The following AKAP6 variants were observed in gnomAD, a reference collection of about 807,000 sequenced individuals.
AKAP6 encodes A-kinase anchor protein 6.
AKAP6 carries 58 observed loss-of-function variants against 188.5 expected under a neutral mutation model. The ratio of observed to expected loss-of-function variants is 0.31; its 90% CI spans 0.25 to 0.38. AKAP6 has a LOEUF of 0.38. AKAP6 is among the 10% of genes least tolerant of loss of function. The pLI, the probability that AKAP6 is intolerant of heterozygous loss-of-function variation, is 1.00. For synonymous variants in AKAP6, 989 were observed against 998.6 expected, an observed-to-expected ratio of 0.99 and a Z score of 0.18; for missense variants, 2,710 against 2,740.0, an observed-to-expected ratio of 0.99 and a Z score of 0.24.
chr14:32,489,402 GTCTC>G (rs1879878694), intron 2 of AKAP6, among the ~76,000 whole-genome samples: 1 of 152,030 alleles, frequency 6.6e-6, no homozygotes, highest in African/African-American at 2.4e-5. Flanking sequence ...TAGAGATGAT[GTCTC>G]TCTATGTTGC....
chr14:32,732,588 G>A lies in AKAP6; in HGVS notation c.3135G>A (p.Trp1045Ter). The A allele has an allele frequency of 1.2e-6, 2 of 1,613,390 alleles. No homozygotes were observed. The highest frequency in any genetic ancestry group is 1.7e-6 in the Non-Finnish European group (2 of 1,179,656). The part of the protein sequence containing the change: ...LEKVDSINEK[W>*]ELLGKTLGEK... Reference sequence around the variant, plus strand: ...AAGTGGATTCAATTAATGAAAAATGGGAACTGCTTGGGGTATTTGCATTTT... The same window carrying A: ...AAGTGGATTCAATTAATGAAAAATGAGAACTGCTTGGGGTATTTGCATTTT... The change falls in exon 10 of 14, where the codon TGG (tryptophan) becomes TGA (stop). Residue 1045 changes from tryptophan (W) to a stop codon, truncating the protein, a stop_gained. Transcript: ENST00000280979. LOFTEE classifies it high-confidence loss of function.
chr14:32,547,775 T>C (rs1391670420), intron 4 of AKAP6, among the ~76,000 whole-genome samples: 1 of 151,548 alleles, frequency 6.6e-6, no homozygotes, highest in African/African-American at 2.4e-5. Flanking sequence ...GCTGAGGAGG[T>C]TGAGGCTGCA....
At chr14:32,508,498 A>T (rs1384141804) in intron 2 of AKAP6, among the ~76,000 whole-genome samples, 1 of 152,220 alleles carries the variant, frequency 6.6e-6, no homozygotes, top group South Asian at 2.1e-4. Flanking sequence ...TGGAACTTAC[A>T]TTCTAACAAA....
intron 7 of AKAP6, among the ~76,000 whole-genome samples, chr14:32,607,138 G>A (rs1886156167): frequency 6.6e-6 from 1 of 152,208 alleles, no homozygotes; most frequent in African/African-American, 2.4e-5. Context: ...TTTTGGGTAA[G>A]AGCGCAACTG....
rs189031221 is a variant in AKAP6 at position 32,407,568 on chromosome 14, A to C, written c.-34-25892A>C. Among the ~76,000 whole-genome samples, 251 of 152,248 alleles carry C rather than the reference A, an allele frequency of 1.6e-3. 8 individuals carry two copies. Among genetic ancestry groups the C allele is most frequent in the Admixed American group, 0.015 (225 of 15,292 alleles). On this transcript the variant is annotated intron_variant, in intron 1 of 13. Coordinates refer to ENST00000280979, the MANE Select transcript of AKAP6 (RefSeq NM_004274.5). ...TGTTTTCAGAGCTCCTAAAACTGAT[A>C]TTTACTGCATGTTAGTGAGGTGGTT...
intron 7 of AKAP6, among the ~76,000 whole-genome samples, chr14:32,659,850 A>G (rs1433035718): frequency 1.3e-5 from 2 of 152,138 alleles, no homozygotes; most frequent in South Asian, 2.1e-4. Flanking sequence ...ATAACTTACC[A>G]TCAGTCTCAG....
chr14:32,786,296 A>ATGTTTTTTTTTTTTTTTTTTTTTTTT lies in AKAP6; in HGVS notation c.3588+12404_3588+12405insGTTTTTTTTTTTTTTTTTTTTTTTTT. On this transcript the variant is annotated intron_variant, in intron 12 of 13. Transcript: ENST00000280979. ...AGCCCTCTGAAAGACCTAAACCTTT[A>ATGTTTTTTTTTTTTTTTTTTTTTTTT]TCTTTTTTTTTTTTTTTTTTTTTTT... Among the ~76,000 whole-genome samples the ATGTTTTTTTTTTTTTTTTTTTTTTTT allele has an allele frequency of 2.3e-3, 216 of 93,662 alleles. 73 individuals are homozygous for ATGTTTTTTTTTTTTTTTTTTTTTTTT. Among genetic ancestry groups the ATGTTTTTTTTTTTTTTTTTTTTTTTT allele is most frequent in the African/African-American group, 2.7e-3 (67 of 24,384 alleles). The allele number at this position is 93,662 out of a possible 152,430, so 61.4% of individuals were successfully genotyped here. A position where few individuals can be genotyped will look rare whatever the true frequency, so the allele number is the denominator to read the frequency against.
chr14:32,804,305 C>T (rs10148694), intron 12 of AKAP6, among the ~76,000 whole-genome samples: 56,206 of 152,030 alleles, frequency 0.37, 10,578 homozygotes, highest in South Asian at 0.51. Context: ...TTACCTGCTT[C>T]TCCAGGCACA....
chr14:32,707,751 A>C (rs1314960764), intron 9 of AKAP6, among the ~76,000 whole-genome samples: 1 of 152,124 alleles, frequency 6.6e-6, no homozygotes, highest in African/African-American at 2.4e-5. Context: ...CTTTTTCAAC[A>C]AAACAGTCTA....
intron 1 of AKAP6, among the ~76,000 whole-genome samples, chr14:32,432,885 G>C (rs1207630827): frequency 6.6e-6 from 1 of 152,138 alleles, no homozygotes; most frequent in Non-Finnish European, 1.5e-5. Flanking sequence ...GTATCAAGTG[G>C]AACCCGTGTT....
intron 7 of AKAP6, among the ~76,000 whole-genome samples, chr14:32,668,420 G>T (rs1279205147): frequency 6.6e-6 from 1 of 152,010 alleles, no homozygotes; most frequent in East Asian, 1.9e-4. Flanking sequence ...TGGAGGAAAG[G>T]ATGTTTTTCT....
chr14:32,521,676 T>G (rs1382772810), intron 2 of AKAP6, among the ~76,000 whole-genome samples: 5 of 152,142 alleles, frequency 3.3e-5, no homozygotes, highest in African/African-American at 4.8e-5. Context: ...CACTGCTCAA[T>G]GAAATAAAAG....
chr14:32,343,565 C>T lies in AKAP6; in HGVS notation c.-35+14157C>T, dbSNP rs149728634. On this transcript the variant is annotated intron_variant, in intron 1 of 13. Transcript: ENST00000280979. The stretch of plus-strand genomic sequence containing the variant: ...AGATCGAGACCATCCTGGCTAACAC[C>T]GTGAAACCCCATCTCTACTAAAAAT... 5.3e-3 allele frequency among the ~76,000 whole-genome samples: 800 copies of T among 151,250 alleles called. 6 individuals are homozygous for T. The highest frequency in any genetic ancestry group is 0.019 in the African/African-American group (773 of 41,256).
intron 1 of AKAP6, among the ~76,000 whole-genome samples, chr14:32,387,906 A>G (rs185932922): frequency 6.3e-4 from 96 of 151,756 alleles, no homozygotes; most frequent in Non-Finnish European, 1.1e-3. Context: ...CTTGTGGAAT[A>G]GTGTCAATAG....
At chr14:32,427,118 G>T (rs1050896930) in intron 1 of AKAP6, among the ~76,000 whole-genome samples, 1 of 152,116 alleles carries the variant, frequency 6.6e-6, no homozygotes, top group Non-Finnish European at 1.5e-5. Context: ...ATCTGTTTGG[G>T]CTCCCCTATT....
At chr14:32,492,355 T>TATATATATATATATATATATAGAGAGAG in intron 2 of AKAP6, among the ~76,000 whole-genome samples, 24 of 82,606 alleles carry the variant, frequency 2.9e-4, no homozygotes, top group South Asian at 7.0e-4. Context: ...TATATATATA[T>TATATATATATATATATATATAGAGAGAG]AGAGAGAGAG....
intron 2 of AKAP6, among the ~76,000 whole-genome samples, chr14:32,512,820 T>C (rs1881325923): frequency 6.6e-6 from 1 of 152,210 alleles, no homozygotes; most frequent in Non-Finnish European, 1.5e-5. Context: ...TGTTTTAATT[T>C]AGGCTCTAAT....
At chr14:32,726,883 A>G (rs1347382260) in intron 9 of AKAP6, among the ~76,000 whole-genome samples, 2 of 152,176 alleles carry the variant, frequency 1.3e-5, no homozygotes, top group African/African-American at 4.8e-5. Context: ...GCTTCTTTTC[A>G]TTCTACTCAA....
intron 7 of AKAP6, among the ~76,000 whole-genome samples, chr14:32,658,690 A>G (rs1188035182): frequency 6.6e-6 from 1 of 151,746 alleles, no homozygotes; most frequent in Non-Finnish European, 1.5e-5. Flanking sequence ...AACTGCATTG[A>G]AAACTTAAAT....
Sources: gnomAD v4.1 joint callset for allele counts (sites outside exome capture counted in the v4.1 genomes callset) on GRCh38, gnomAD v4.1.1 for gene constraint, MANE v1.5 for transcripts, NCBI Gene and HGNC (gene_info 2026-07-23, HGNC 2026-07-21) for gene names.